Variants in CSMD1 observed in about 807,000 individuals in gnomAD.
CSMD1 encodes the protein CUB and Sushi multiple domains 1, also known as CUB and sushi domain-containing protein 1.
A neutral mutation model predicts 417.5 loss-of-function variants in CSMD1; 213 were observed. That is an observed-to-expected ratio of 0.51 (90% CI 0.46 to 0.57). The LOEUF is 0.57. CSMD1 is among the 20% of genes least tolerant of loss of function. The probability of loss-of-function intolerance (pLI) is 0.00; values close to 1 mark genes in which losing one functional copy is unlikely to be tolerated. For missense variants in CSMD1, 6,923 were observed against 4,529.7 expected (o/e 1.53, Z -15.17); for synonymous variants, 2,862 against 1,736.8 (o/e 1.65, Z -16.11).
At chr8:4,758,970 G>T (rs2117085282) in intron 1 of CSMD1, among the ~76,000 whole-genome samples, 1 of 151,798 alleles carries the variant, frequency 6.6e-6, no homozygotes, top group African/African-American at 2.4e-5. Context: ...GTTGCACAGA[G>T]TGAAGTGCAT....
chr8:3,202,311 G>C (rs1171186490), intron 31 of CSMD1, among the ~76,000 whole-genome samples: 1 of 152,200 alleles, frequency 6.6e-6, no homozygotes, highest in Non-Finnish European at 1.5e-5. Context: ...TTATTATAAT[G>C]CCAAATTCAC....
intron 7 of CSMD1, among the ~76,000 whole-genome samples, chr8:3,650,166 C>A (rs1457069173): frequency 1.3e-5 from 2 of 151,814 alleles, no homozygotes; most frequent in African/African-American, 4.8e-5. Context: ...GTAATCCCAG[C>A]TATTGGGGAG....
intron 3 of CSMD1, among the ~76,000 whole-genome samples, chr8:4,408,567 G>C (rs1289027081): frequency 1.3e-5 from 2 of 152,124 alleles, no homozygotes; most frequent in Admixed American, 6.6e-5. Context: ...ACTCTGATTT[G>C]CACCAATGAA....
intron 1 of CSMD1, among the ~76,000 whole-genome samples, chr8:4,825,460 G>C (rs1447715477): frequency 1.3e-5 from 2 of 152,038 alleles, no homozygotes; most frequent in Non-Finnish European, 2.9e-5. Flanking sequence ...TACTCAGTTT[G>C]CATGATTGAA....
intron 12 of CSMD1, among the ~76,000 whole-genome samples, chr8:3,435,413 G>A (rs1335538874): frequency 6.6e-6 from 1 of 152,086 alleles, no homozygotes; most frequent in Non-Finnish European, 1.5e-5. Flanking sequence ...AGAAATGCCT[G>A]AAACATCACC....
chr8:4,691,477 C>A (rs1021776293), intron 1 of CSMD1, among the ~76,000 whole-genome samples: 1 of 152,116 alleles, frequency 6.6e-6, no homozygotes, highest in South Asian at 2.1e-4. Flanking sequence ...TGGAACTCTC[C>A]GCCTGTGAAG....
chr8:4,535,093 G>A (rs1298585313), intron 2 of CSMD1, among the ~76,000 whole-genome samples: 4 of 152,080 alleles, frequency 2.6e-5, no homozygotes, highest in Non-Finnish European at 5.9e-5. Flanking sequence ...CTCTCTTATA[G>A]GACTAGGGTA....
At chr8:4,461,246 G>C (rs1247135100) in intron 2 of CSMD1, among the ~76,000 whole-genome samples, 2 of 152,036 alleles carry the variant, frequency 1.3e-5, no homozygotes, top group East Asian at 3.9e-4. Flanking sequence ...CCTGATAAAA[G>C]TCACCTGCGA....
At chr8:4,610,746 G>A (rs1191420438) in intron 2 of CSMD1, among the ~76,000 whole-genome samples, 1 of 152,172 alleles carries the variant, frequency 6.6e-6, no homozygotes, top group Admixed American at 6.5e-5. Flanking sequence ...TGACTACACT[G>A]CCAATTATAT....
chr8:3,390,233 G>A (rs1245365558), intron 17 of CSMD1, among the ~76,000 whole-genome samples: 1 of 151,144 alleles, frequency 6.6e-6, no homozygotes, highest in Non-Finnish European at 1.5e-5. Flanking sequence ...TGGGCACCTG[G>A]AATCCCAGCT....
intron 1 of CSMD1, among the ~76,000 whole-genome samples, chr8:4,787,153 G>A (rs1268403762): frequency 6.6e-6 from 1 of 152,190 alleles, no homozygotes; most frequent in Non-Finnish European, 1.5e-5. Flanking sequence ...ATACCCCTCC[G>A]GGTTCGGCCG....
intron 3 of CSMD1, among the ~76,000 whole-genome samples, chr8:4,067,833 C>T (rs1390463465): frequency 1.3e-5 from 2 of 152,160 alleles, no homozygotes; most frequent in African/African-American, 2.4e-5. Flanking sequence ...GATCCCAACA[C>T]TTTGGGAGGC....
chr8:4,228,717 T>G (rs1417987294), intron 3 of CSMD1, among the ~76,000 whole-genome samples: 1 of 152,032 alleles, frequency 6.6e-6, no homozygotes, highest in Non-Finnish European at 1.5e-5. Context: ...GGAGTCTACC[T>G]CTGTCACCCA....
chr8:3,879,356 C>G (rs1277060020), intron 5 of CSMD1, among the ~76,000 whole-genome samples: 1 of 152,116 alleles, frequency 6.6e-6, no homozygotes, highest in Non-Finnish European at 1.5e-5. Context: ...TTAGAATCAT[C>G]TAAGGAATCT....
chr8:3,828,655 G>C (rs1208860918), intron 5 of CSMD1, among the ~76,000 whole-genome samples: 1 of 152,044 alleles, frequency 6.6e-6, no homozygotes, highest in Non-Finnish European at 1.5e-5. Context: ...TTTAATCCAA[G>C]CCATCGTCAT....
chr8:3,672,183 A>T (rs900393443), intron 7 of CSMD1, among the ~76,000 whole-genome samples: 9 of 152,190 alleles, frequency 5.9e-5, no homozygotes, highest in Non-Finnish European at 1.3e-4. Flanking sequence ...CAGGGATCTT[A>T]TAAGTTTGAT....
chr8:3,086,750 G>C (rs1426678133), intron 49 of CSMD1, among the ~76,000 whole-genome samples: 1 of 152,112 alleles, frequency 6.6e-6, no homozygotes, highest in Non-Finnish European at 1.5e-5. Context: ...TAAAGAAAAT[G>C]AGTTTTCCAG....
At chr8:3,877,068 CT>C (rs1181848337) in intron 5 of CSMD1, among the ~76,000 whole-genome samples, 10 of 152,182 alleles carry the variant, frequency 6.6e-5, no homozygotes, top group African/African-American at 2.4e-4. Flanking sequence ...ACCACAATGT[CT>C]TAAGGTTCTT....
intron 2 of CSMD1, among the ~76,000 whole-genome samples, chr8:4,444,028 C>T (rs1014121552): frequency 6.6e-6 from 1 of 152,058 alleles, no homozygotes; most frequent in Non-Finnish European, 1.5e-5. Flanking sequence ...AAGGAAAACA[C>T]ACACTATCTT....
Sources: gnomAD v4.1 joint callset for allele counts (sites outside exome capture counted in the v4.1 genomes callset) on GRCh38, gnomAD v4.1.1 for gene constraint, MANE v1.5 for transcripts, NCBI Gene and HGNC (gene_info 2026-07-23, HGNC 2026-07-21) for gene names.